Variants in CDKAL1 observed in about 807,000 individuals in gnomAD.
The protein encoded by CDKAL1 is CDKAL1 threonylcarbamoyladenosine tRNA methylthiotransferase.
A neutral mutation model predicts 68.2 loss-of-function variants in CDKAL1; 32 were observed. The observed-to-expected ratio is 0.47, with a 90% CI of 0.35 to 0.63. CDKAL1 has a LOEUF of 0.63. Among genes scored for constraint, CDKAL1 ranks in the 30% least tolerant of loss-of-function variants. The probability of loss-of-function intolerance (pLI) is 0.00; values close to 1 mark genes in which losing one functional copy is unlikely to be tolerated. For synonymous variants in CDKAL1, 234 were observed against 244.3 expected, an observed-to-expected ratio of 0.96 and a Z score of 0.39; for missense variants, 606 against 696.7, an observed-to-expected ratio of 0.87 and a Z score of 1.47.
intron 9 of CDKAL1, among the ~76,000 whole-genome samples, chr6:20,889,860 T>C (rs143040113): frequency 0.03 from 4,622 of 152,230 alleles, 224 homozygotes; most frequent in African/African-American, 0.1. Context: ...TTCAGTTCCA[T>C]ATGAACTTTA....
At chr6:20,929,166 G>T (rs1763315080) in intron 9 of CDKAL1, among the ~76,000 whole-genome samples, 1 of 152,154 alleles carries the variant, frequency 6.6e-6, no homozygotes, top group Non-Finnish European at 1.5e-5. Flanking sequence ...AGTAGATAGG[G>T]AAAAGATCCC....
At chr6:20,945,754 C>T (rs1050511280) in intron 9 of CDKAL1, among the ~76,000 whole-genome samples, 3 of 152,146 alleles carry the variant, frequency 2.0e-5, no homozygotes, top group Admixed American at 1.3e-4. Flanking sequence ...ACTTTCTTTC[C>T]CTCTAGGTGA....
intron 6 of CDKAL1, among the ~76,000 whole-genome samples, chr6:20,750,951 G>GAAAAAA (rs59244637): frequency 1.3e-4 from 6 of 47,084 alleles, no homozygotes; most frequent in Non-Finnish European, 1.7e-4. Flanking sequence ...GCAACAGAGT[G>GAAAAAA]AAAAAAAAAA....
chr6:21,183,412 G>T (rs1346005362), intron 13 of CDKAL1, among the ~76,000 whole-genome samples: 5 of 152,024 alleles, frequency 3.3e-5, no homozygotes, highest in Non-Finnish European at 5.9e-5. Context: ...GCACCTTTTT[G>T]CTTTTTTAGC....
intron 5 of CDKAL1, among the ~76,000 whole-genome samples, chr6:20,672,584 G>C (rs904692297): frequency 3.9e-5 from 6 of 151,938 alleles, no homozygotes; most frequent in Non-Finnish European, 7.4e-5. Context: ...CGAACTCCTG[G>C]CCTCAAGTGA....
intron 6 of CDKAL1, among the ~76,000 whole-genome samples, chr6:20,751,046 C>T (rs898079862): frequency 3.4e-5 from 5 of 146,338 alleles, no homozygotes; most frequent in East Asian, 2.0e-4. Flanking sequence ...TGATAATGCA[C>T]GTGAAGTGTC....
chr6:21,000,470 A>C (rs1299517411), intron 11 of CDKAL1, 98 bp downstream of exon 11: 1 of 1,073,634 alleles, frequency 9.3e-7, no homozygotes, highest in African/African-American at 1.6e-5. Flanking sequence ...TAAAGGTACA[A>C]GAGAGAAGGC....
chr6:20,626,574 G>C (rs184696013), intron 4 of CDKAL1, among the ~76,000 whole-genome samples: 3 of 152,226 alleles, frequency 2.0e-5, no homozygotes, highest in Non-Finnish European at 4.4e-5. Context: ...ATTACTAGAT[G>C]ATATAGAGAT....
Position 20,825,859 on chromosome 6 carries a change from C to T in CDKAL1, c.639-20216C>T, listed in dbSNP as rs564330409. ...GCTACTTAGAGAGGTCCCCAAGACC[C>T]CTGTAGTCTTATTAAGGCATTTCTT... On this transcript the variant is annotated intron_variant, in intron 8 of 15. Transcript: ENST00000274695. Among the ~76,000 whole-genome samples, 12 of 152,122 alleles carry T rather than the reference C, an allele frequency of 7.9e-5. No individual in the cohort carries two copies. The South Asian group carries it at 1.9e-3, about 24-fold the overall frequency.
chr6:20,876,324 G>T (rs1181281274), intron 9 of CDKAL1, among the ~76,000 whole-genome samples: 1 of 152,200 alleles, frequency 6.6e-6, no homozygotes, highest in African/African-American at 2.4e-5. Context: ...TTTCTCTAAA[G>T]ATGCCGTCAG....
intron 11 of CDKAL1, among the ~76,000 whole-genome samples, chr6:21,037,381 G>A (rs946732350): frequency 6.6e-6 from 1 of 152,150 alleles, no homozygotes; most frequent in African/African-American, 2.4e-5. Context: ...CTATTTTAAA[G>A]CACCATTTTA....
At chr6:20,988,262 T>C (rs1053834265) in intron 10 of CDKAL1, among the ~76,000 whole-genome samples, 3 of 151,080 alleles carry the variant, frequency 2.0e-5, no homozygotes, top group African/African-American at 7.3e-5. Context: ...TTGTTTAATT[T>C]GAGCCCTCAA....
chr6:20,766,716 A>T (rs1384379810), intron 7 of CDKAL1, among the ~76,000 whole-genome samples: 1 of 152,168 alleles, frequency 6.6e-6, no homozygotes, highest in South Asian at 2.1e-4. Flanking sequence ...TTGCTTTTAC[A>T]TGTGTATTTT....
chr6:20,897,757 T>C (rs1307809413), intron 9 of CDKAL1, among the ~76,000 whole-genome samples: 1 of 152,164 alleles, frequency 6.6e-6, no homozygotes, highest in East Asian at 1.9e-4. Flanking sequence ...ATTATTTAAA[T>C]TTTATATTCT....
intron 12 of CDKAL1, among the ~76,000 whole-genome samples, chr6:21,105,189 T>C (rs1773786980): frequency 6.6e-6 from 1 of 152,224 alleles, no homozygotes; most frequent in African/African-American, 2.4e-5. Context: ...GAAATTTTGA[T>C]GGGCAAATGA....
At chr6:21,096,861 C>T (rs907084528) in intron 12 of CDKAL1, among the ~76,000 whole-genome samples, 2 of 152,156 alleles carry the variant, frequency 1.3e-5, no homozygotes, top group African/African-American at 4.8e-5. Flanking sequence ...ATGGGACAGA[C>T]TTTGAGAGTT....
chr6:21,090,805 C>CT (rs67647227), intron 12 of CDKAL1, among the ~76,000 whole-genome samples: 61,866 of 132,558 alleles, frequency 0.47, 14,683 homozygotes, highest in East Asian at 0.56. Context: ...TTTCTTTTTT[C>CT]TTTTTTTTTT....
In CDKAL1 at chr6:20,811,425, T is replaced by A. The variant is rs755521771; in HGVS notation, c.638+30160T>A. Among the ~76,000 whole-genome samples the A allele has an allele frequency of 2.0e-5, 3 of 152,226 alleles. No individual in the cohort carries two copies. The South Asian group carries it at 6.2e-4, about 31-fold the overall frequency. On this transcript the variant is annotated intron_variant, in intron 8 of 15. Transcript: ENST00000274695. The stretch of plus-strand genomic sequence containing the variant: ...TTAACCCTTTACTCACCTTGTGTCT[T>A]AAGTATCTTTTTGTCTGTTGTTTCA...
chr6:21,113,970 C>T (rs753121588), intron 13 of CDKAL1, among the ~76,000 whole-genome samples: 1 of 151,202 alleles, frequency 6.6e-6, no homozygotes, highest in Non-Finnish European at 1.5e-5. Flanking sequence ...AAGCTCCGGC[C>T]GGGCGCAGTG....
Sources: gnomAD v4.1 joint callset for allele counts (sites outside exome capture counted in the v4.1 genomes callset) on GRCh38, gnomAD v4.1.1 for gene constraint, MANE v1.5 for transcripts, NCBI Gene and HGNC (gene_info 2026-07-23, HGNC 2026-07-21) for gene names.